The following PTPN14 variants were observed in gnomAD, a reference collection of about 807,000 sequenced individuals.
PTPN14 encodes the protein protein tyrosine phosphatase non-receptor type 14, also known as tyrosine-protein phosphatase non-receptor type 14.
PTPN14 carries 53 observed loss-of-function variants against 126.8 expected under a neutral mutation model. The observed-to-expected ratio is 0.42, with a 90% confidence interval of 0.34 to 0.53. The LOEUF is 0.53. Ranked by LOEUF, PTPN14 falls within the 20% of genes least tolerant of loss-of-function variation. The pLI is 0.08. For synonymous variants in PTPN14, 630 were observed against 599.3 expected, an observed-to-expected ratio of 1.05 and a Z score of -0.75; for missense variants, 1,257 against 1,552.9, an observed-to-expected ratio of 0.81 and a Z score of 3.20.
chr1:214,540,199 G>A (rs576942188), intron 1 of PTPN14, among the ~76,000 whole-genome samples: 11 of 152,264 alleles, frequency 7.2e-5, no homozygotes, highest in Admixed American at 5.9e-4. Flanking sequence ...CACACAGGGA[G>A]TCTAAAAGTC....
At position 214,521,893 on chromosome 1, in the gene PTPN14, GT is replaced by G. The variant is rs964287125; in HGVS notation, c.-155+29289del. On this transcript the variant is annotated intron_variant, in intron 1 of 18. Transcript: ENST00000366956. ...AACCATGTTTCATAAGATTTTTGTTGTTTTTTTTTTTACTTAATCTTCAACA... is the reference window on the plus strand; with the variant it reads ...AACCATGTTTCATAAGATTTTTGTTGTTTTTTTTTTACTTAATCTTCAACA... Among the ~76,000 whole-genome samples the G allele has an allele frequency of 1.3e-3, 141 of 110,046 alleles. 2 individuals carry two copies. The highest frequency in any genetic ancestry group is 3.8e-3 in the African/African-American group (114 of 30,374). The allele number at this position is 110,046 out of a possible 152,430, so 72.2% of individuals were successfully genotyped here.
chr1:214,382,173 T>C (rs913017127), intron 13 of PTPN14, among the ~76,000 whole-genome samples: 6 of 152,186 alleles, frequency 3.9e-5, no homozygotes, highest in African/African-American at 1.4e-4. Flanking sequence ...AGTGCTGGGA[T>C]TACAGGCGTG....
At chr1:214,393,274 G>A (rs1285234447) in intron 10 of PTPN14, among the ~76,000 whole-genome samples, 1 of 152,190 alleles carries the variant, frequency 6.6e-6, no homozygotes, top group Non-Finnish European at 1.5e-5. Flanking sequence ...AACTGTGTAA[G>A]CGACACGGGG....
intron 1 of PTPN14, among the ~76,000 whole-genome samples, chr1:214,468,088 GA>G (rs1660680530): frequency 6.6e-6 from 1 of 152,082 alleles, no homozygotes; most frequent in Admixed American, 6.5e-5. Context: ...AGGGAAGTTT[GA>G]AAAACAGAAA....
At chr1:214,496,966 T>A (rs1654537123) in intron 1 of PTPN14, among the ~76,000 whole-genome samples, 1 of 152,218 alleles carries the variant, frequency 6.6e-6, no homozygotes, top group African/African-American at 2.4e-5. Flanking sequence ...AATACATTTT[T>A]AAATTGGAGG....
intron 3 of PTPN14, among the ~76,000 whole-genome samples, chr1:214,440,187 G>A (rs1177429711): frequency 1.3e-5 from 2 of 152,192 alleles, no homozygotes; most frequent in Non-Finnish European, 2.9e-5. Flanking sequence ...ACTATGGGCA[G>A]AGTCCCTTTA....
At chr1:214,533,317 C>T (rs1172145505) in intron 1 of PTPN14, 7 of 554,384 alleles carry the variant, frequency 1.3e-5, no homozygotes, top group Admixed American at 2.4e-5. Context: ...CACCACCTAC[C>T]GCTGCCTGCT....
chr1:214,495,445 C>A (rs1204771571), intron 1 of PTPN14, among the ~76,000 whole-genome samples: 2 of 152,056 alleles, frequency 1.3e-5, no homozygotes, highest in African/African-American at 4.8e-5. Flanking sequence ...GACACCAAAA[C>A]CAAAATTTAA....
chr1:214,550,084 T>G (rs1656068348), intron 1 of PTPN14, among the ~76,000 whole-genome samples: 1 of 152,196 alleles, frequency 6.6e-6, no homozygotes. Flanking sequence ...AGGACCAAGC[T>G]CGCCTCAGAC....
chr1:214,532,183 TC>T, intron 1 of PTPN14: 1 of 346,218 alleles, frequency 2.9e-6, no homozygotes, highest in Non-Finnish European at 5.6e-6. Context: ...CTCGTTCTCC[TC>T]CCCAGACAGC....
chr1:214,384,697 GC>G lies in PTPN14; in HGVS notation c.1157del (p.Gly386AlafsTer67). On this transcript the variant is annotated frameshift_variant, in exon 13 of 19. Transcript: ENST00000366956. LOFTEE classifies it high-confidence loss of function. This position sits in a 1 kb window ranked among gnomAD's most constrained non-coding sequence, Gnocchi z 5.3. ...LNYLNGTVTN[G>X]SVCSVHSVNS... ...TGACGCTGTGAACGCTACACACGCT[GC>G]CATTGGTGACAGTGCCATTTAAATA... 2 of 1,614,140 alleles carry G rather than the reference GC, an allele frequency of 1.2e-6. No individual in the cohort carries two copies. The highest frequency in any genetic ancestry group is 1.7e-6 in the Non-Finnish European group (2 of 1,180,022).
At chr1:214,421,842 G>C (rs1571989464) in intron 3 of PTPN14, among the ~76,000 whole-genome samples, 1 of 152,044 alleles carries the variant, frequency 6.6e-6, no homozygotes, top group South Asian at 2.1e-4. Flanking sequence ...CCAATCATCT[G>C]TCCATGCTCC....
At chr1:214,475,325 C>T (rs1346186707) in intron 1 of PTPN14, among the ~76,000 whole-genome samples, 1 of 152,160 alleles carries the variant, frequency 6.6e-6, no homozygotes, top group Admixed American at 6.5e-5. Context: ...TTTTTCCCTT[C>T]CTTATTAAAA....
chr1:214,367,918 T>A (rs1031466557), intron 17 of PTPN14, among the ~76,000 whole-genome samples: 2 of 152,182 alleles, frequency 1.3e-5, no homozygotes, highest in African/African-American at 4.8e-5. Context: ...AGTGGGTACA[T>A]GCCCAATTTT....
chr1:214,368,629 T>G (rs1409392431), intron 17 of PTPN14, among the ~76,000 whole-genome samples: 1 of 152,184 alleles, frequency 6.6e-6, no homozygotes, highest in East Asian at 1.9e-4. Context: ...TGTGCAACCA[T>G]CACCATCATC....
At chr1:214,360,770 C>G (rs1283746585) in intron 18 of PTPN14, among the ~76,000 whole-genome samples, 3 of 152,152 alleles carry the variant, frequency 2.0e-5, no homozygotes, top group Non-Finnish European at 2.9e-5. Flanking sequence ...GACTCAGTTT[C>G]TCTTCTGTTA....
chr1:214,549,040 G>T (rs1656039391), intron 1 of PTPN14, among the ~76,000 whole-genome samples: 1 of 152,190 alleles, frequency 6.6e-6, no homozygotes, highest in Non-Finnish European at 1.5e-5. Flanking sequence ...AAACTTCTGT[G>T]AAGGGGCTGT....
rs144849842 is a variant in PTPN14, at chr1:214,440,193, C to T, written c.344+11612G>A. Among the ~76,000 whole-genome samples, 1,199 of 152,288 alleles carry T rather than the reference C, an allele frequency of 7.9e-3. 4 individuals are homozygous for T. Among genetic ancestry groups the T allele is most frequent in the Non-Finnish European group, 0.014 (924 of 68,008 alleles). ...AGCTGTGTGACTATGGGCAGAGTCC[C>T]TTTATCTGTCTGTTTCTCAGTTTCT... is the stretch of plus-strand genomic sequence containing the variant. On this transcript the variant is annotated intron_variant, in intron 3 of 18. Coordinates refer to ENST00000366956, the MANE Select transcript of PTPN14 (RefSeq NM_005401.5).
chr1:214,459,703 G>A (rs1660466096), intron 2 of PTPN14, among the ~76,000 whole-genome samples: 1 of 151,788 alleles, frequency 6.6e-6, no homozygotes, highest in African/African-American at 2.4e-5. Context: ...TCCTGACCTC[G>A]TGATCCGCCT....
Sources: gnomAD v4.1 joint callset for allele counts (sites outside exome capture counted in the v4.1 genomes callset) on GRCh38, gnomAD v4.1.1 for gene constraint, Gnocchi (gnomAD v3.1) non-coding constraint, MANE v1.5 for transcripts, NCBI Gene and HGNC (gene_info 2026-07-23, HGNC 2026-07-21) for gene names.